BBS2: variants seen among roughly 807,000 people sequenced by gnomAD.
BBS2 encodes Bardet-Biedl syndrome 2.
In BBS2, 62 loss-of-function variants were observed where a neutral mutation model predicts 83.0. That is an observed-to-expected ratio of 0.75 (90% CI 0.61 to 0.92). BBS2 has a LOEUF of 0.92. Among genes scored for constraint, BBS2 ranks in the 40% least tolerant of loss-of-function variants. The pLI is 0.00. For synonymous variants in BBS2, 303 were observed against 326.1 expected, an observed-to-expected ratio of 0.93 and a Z score of 0.76; for missense variants, 784 against 901.0, an observed-to-expected ratio of 0.87 and a Z score of 1.66.
chr16:56,474,402 C>A (rs1331789256), intron 17 of BBS2, among the ~76,000 whole-genome samples: 1 of 149,628 alleles, frequency 6.7e-6, no homozygotes, highest in East Asian at 2.0e-4. Context: ...CTTACCACAA[C>A]CTCTGCCACC....
At chr16:56,505,671 T>A (rs1350735961) in intron 7 of BBS2, among the ~76,000 whole-genome samples, 1 of 152,364 alleles carries the variant, frequency 6.6e-6, no homozygotes, top group Middle Eastern at 3.4e-3. Context: ...AGAATCAATC[T>A]GGCTGATGGA....
At chr16:56,486,713 T>C (rs1388842959) in intron 15 of BBS2, among the ~76,000 whole-genome samples, 5 of 151,890 alleles carry the variant, frequency 3.3e-5, no homozygotes, top group Non-Finnish European at 2.9e-5. Flanking sequence ...AGAAGAGGTA[T>C]TGATACAAAC....
In BBS2 at chr16:56,510,043, G is replaced by A. The variant is rs2144177223; in HGVS notation, c.535-9C>T. ...TCAGATCCAACAAGAAGCTGAAGGG[G>A]AAATATCATACATGTTCAGGTGAGT... On this transcript the variant is annotated splice_polypyrimidine_tract_variant and intron_variant, in intron 4 of 16. Coordinates refer to ENST00000245157, the MANE Select transcript of BBS2 (RefSeq NM_031885.5). 3 of 1,613,466 alleles carry A rather than the reference G, an allele frequency of 1.9e-6. No individual in the cohort carries two copies. The highest frequency in any genetic ancestry group is 2.5e-6 in the Non-Finnish European group (3 of 1,179,466).
chr16:56,478,491 C>CT (rs1316558990), intron 17 of BBS2: 2 of 152,206 alleles, frequency 1.3e-5, no homozygotes, highest in Non-Finnish European at 2.9e-5. Flanking sequence ...TAAAGGTCAT[C>CT]TCACTCACTT....
At chr16:56,512,482 G>A (rs773252039) in intron 2 of BBS2, among the ~76,000 whole-genome samples, 1 of 152,030 alleles carries the variant, frequency 6.6e-6, no homozygotes, top group African/African-American at 2.4e-5. Context: ...CAAGAGAGTG[G>A]ATAAACAAAC....
At chr16:56,510,681 G>A (rs1216764759) in intron 4 of BBS2, among the ~76,000 whole-genome samples, 178 bp downstream of exon 4, 2 of 152,162 alleles carry the variant, frequency 1.3e-5, no homozygotes, top group South Asian at 2.1e-4. Context: ...ACAAGCACAA[G>A]TGATTTATTG....
intron 1 of BBS2, among the ~76,000 whole-genome samples, chr16:56,518,062 C>G (rs974370509): frequency 2.0e-5 from 3 of 152,152 alleles, no homozygotes; most frequent in Non-Finnish European, 4.4e-5. Flanking sequence ...GATGATCTGC[C>G]TGCCTCAGCC....
At chr16:56,483,804 A>G (rs189918223), downstream of BBS2, among the ~76,000 whole-genome samples, 209 of 151,566 alleles carry the variant, frequency 1.4e-3, 1 homozygote, top group African/African-American at 4.7e-3. Flanking sequence ...GGTTCAAGCA[A>G]TTCTCCTGCC....
At chr16:56,516,993 T>TTTATTATTATTATTA (rs879900191) in intron 1 of BBS2, among the ~76,000 whole-genome samples, 1 of 150,894 alleles carries the variant, frequency 6.6e-6, no homozygotes, top group African/African-American at 2.4e-5. Context: ...CTTTATTTTA[T>TTTATTATTATTATTA]TTATTATTAT....
chr16:56,474,823 C>A, intron 17 of BBS2: 1 of 1,579,300 alleles, frequency 6.3e-7, no homozygotes, highest in Non-Finnish European at 8.6e-7. Context: ...TTTTTTTTTC[C>A]TTAGAATCAA....
intron 1 of BBS2, among the ~76,000 whole-genome samples, chr16:56,518,999 T>A (rs1964833996): frequency 6.6e-6 from 1 of 152,192 alleles, no homozygotes; most frequent in Non-Finnish European, 1.5e-5. Context: ...TTGAATAAGT[T>A]AATTTTTGTA....
chr16:56,489,205 G>A (rs939260051), intron 15 of BBS2, among the ~76,000 whole-genome samples: 2 of 152,126 alleles, frequency 1.3e-5, no homozygotes, highest in Non-Finnish European at 1.5e-5. Context: ...GCTGGGTGTG[G>A]TGGCACATGC....
chr16:56,517,898 C>T (rs950094322), intron 1 of BBS2, among the ~76,000 whole-genome samples: 3 of 151,794 alleles, frequency 2.0e-5, no homozygotes, highest in South Asian at 2.1e-4. Context: ...CGGCTCCCTG[C>T]AACCTCCACC....
rs746882084 is a variant in BBS2 at position 56,519,875 on chromosome 16, T to C, written c.-13A>G. On this transcript the variant is annotated 5_prime_UTR_variant, in exon 1 of 17. Transcript: ENST00000245157. ...CAGGCAGCAGCATGATGGCGGCGGC[T>C]TAGGGGAGGAGGGCTGGAAGCTGGA... The C allele has an allele frequency of 7.5e-6, 12 of 1,606,562 alleles. No homozygotes were observed. The highest frequency in any genetic ancestry group is 1.0e-5 in the Non-Finnish European group (12 of 1,173,366).
rs2144163130 is a variant in BBS2 at position 56,506,189 on chromosome 16, T to C, written c.648A>G (p.Arg216=). Residue 216 remains arginine, a synonymous_variant, in exon 6 of 17, where the codon CGA becomes CGG. Transcript: ENST00000245157. ...VTSLCPMYGS[R]FGYALSNGTV... ...TGCCATTGGAAAGGGCATAACCAAA[T>C]CGACTGCCATACATGGGACAAAGAG... The C allele has an allele frequency of 6.2e-7, 1 of 1,613,968 alleles. No homozygotes were observed.
intron 1 of BBS2, among the ~76,000 whole-genome samples, chr16:56,517,821 C>CT (rs11429010): frequency 0.034 from 4,719 of 138,026 alleles, 201 homozygotes; most frequent in East Asian, 0.16. Flanking sequence ...TTTGTCAGTG[C>CT]TTTTTTTTTT....
At chr16:56,471,935 TA>T (rs1383858072) in intron 17 of BBS2, among the ~76,000 whole-genome samples, 1 of 151,572 alleles carries the variant, frequency 6.6e-6, no homozygotes, top group African/African-American at 2.4e-5. Context: ...AGGGATTTTT[TA>T]AAAAACTTAT....
At chr16:56,480,933 T>C (rs1280168047), downstream of BBS2, among the ~76,000 whole-genome samples, 2 of 152,164 alleles carry the variant, frequency 1.3e-5, no homozygotes, top group African/African-American at 4.8e-5. Flanking sequence ...GATTCTGTAC[T>C]GTACAGATTA....
In BBS2 at chr16:56,485,559, T is replaced by C; in HGVS notation, c.2059+31A>G. The C allele has an allele frequency of 1.9e-6, 3 of 1,613,134 alleles. No homozygotes were observed. In the Middle Eastern group the frequency reaches 5.0e-4, roughly 266 times the overall value. ...TGAGTTCCACCAAAAACATTACAGA[T>C]CAAAGTGCAGTGTTATGAAAAGAGA... is the stretch of plus-strand genomic sequence containing the variant. On this transcript the variant is annotated intron_variant, in intron 16 of 16. Coordinates refer to ENST00000245157, the MANE Select transcript of BBS2 (RefSeq NM_031885.5).
Sources: gnomAD v4.1 joint callset for allele counts (sites outside exome capture counted in the v4.1 genomes callset) on GRCh38, gnomAD v4.1.1 for gene constraint, MANE v1.5 for transcripts, NCBI Gene and HGNC (gene_info 2026-07-23, HGNC 2026-07-21) for gene names.